The following SPATS1 variants were observed in gnomAD, a reference collection of about 807,000 sequenced individuals.
SPATS1 encodes the protein spermatogenesis-associated serine-rich protein 1.
A neutral mutation model predicts 33.6 loss-of-function variants in SPATS1; 23 were observed. That is an observed-to-expected ratio of 0.68 (90% CI 0.49 to 0.97). The LOEUF is 0.97. SPATS1 is among the 50% of genes least tolerant of loss of function. The pLI, the probability that SPATS1 is intolerant of heterozygous loss-of-function variation, is 0.00. For missense variants in SPATS1, 327 were observed against 361.0 expected (o/e 0.91, Z 0.76); for synonymous variants, 131 against 125.6 (o/e 1.04, Z -0.29).
At chr6:44,352,670 T>C in intron 2 of SPATS1, 56 bp from the exon 3 acceptor site, 1 of 1,516,952 alleles carries the variant, frequency 6.6e-7, no homozygotes, top group South Asian at 1.1e-5. Flanking sequence ...GGAAACAAAA[T>C]AGGGTGGAAT....
intron 3 of SPATS1, among the ~76,000 whole-genome samples, chr6:44,356,905 C>T (rs866668239): frequency 2.6e-5 from 4 of 152,196 alleles, no homozygotes; most frequent in South Asian, 4.1e-4. Context: ...AGTCAGGGAT[C>T]ACTGGCAGCC....
intron 5 of SPATS1, among the ~76,000 whole-genome samples, chr6:44,365,533 G>A (rs1789192230): frequency 2.0e-5 from 3 of 152,192 alleles, no homozygotes. Context: ...GCTTTTATCT[G>A]TGACCTTTCC....
At chr6:44,345,018 G>T (rs572788927) in intron 2 of SPATS1, among the ~76,000 whole-genome samples, 1 of 152,276 alleles carries the variant, frequency 6.6e-6, no homozygotes, top group Admixed American at 6.5e-5. Context: ...GGCAGCCACT[G>T]GGAGCTGGGC....
intron 8 of SPATS1, among the ~76,000 whole-genome samples, chr6:44,376,740 C>T (rs575909706): frequency 4.6e-5 from 7 of 152,294 alleles, no homozygotes; most frequent in Admixed American, 3.9e-4. Flanking sequence ...GTGGAGGTTG[C>T]AGTGAGCTGA....
chr6:44,347,794 G>A (rs1787988998), intron 2 of SPATS1, among the ~76,000 whole-genome samples: 1 of 151,842 alleles, frequency 6.6e-6, no homozygotes, highest in East Asian at 1.9e-4. Flanking sequence ...TTCTATTTAT[G>A]TTTACTATTT....
At chr6:44,371,472 C>T (rs2153369926) in intron 7 of SPATS1, among the ~76,000 whole-genome samples, 1 of 152,274 alleles carries the variant, frequency 6.6e-6, no homozygotes, top group Middle Eastern at 3.4e-3. Flanking sequence ...CTGGATTTAG[C>T]ATTTATTGTT....
chr6:44,370,351 T>C (rs1322561240), intron 7 of SPATS1, among the ~76,000 whole-genome samples: 1 of 152,130 alleles, frequency 6.6e-6, no homozygotes, highest in Non-Finnish European at 1.5e-5. Context: ...CCATGTGTTG[T>C]GCTAGCCATG....
chr6:44,343,265 T>C lies in SPATS1; in HGVS notation c.139+31T>C, dbSNP rs776680682. 3 of 1,607,062 alleles carry C rather than the reference T, an allele frequency of 1.9e-6. No homozygotes were observed. In the Admixed American group the frequency reaches 5.0e-5, roughly 27 times the overall value. On this transcript the variant is annotated intron_variant, in intron 2 of 8. Coordinates refer to ENST00000674044, the MANE Select transcript of SPATS1 (RefSeq NM_001372081.1). ...GTTCTAAGAAATCCAGGCTGTGGAG[T>C]TGGTGGCCACATCCAAGTATACTAC...
intron 2 of SPATS1, among the ~76,000 whole-genome samples, chr6:44,345,935 CTGGGTGTTTGCAAACGG>C (rs1261276617): frequency 1.3e-5 from 2 of 152,160 alleles, no homozygotes; most frequent in African/African-American, 4.8e-5. Context: ...TGCCAAACAC[CTGGGTGTTTGCAAACGG>C]ATAACAAATA....
chr6:44,363,684 TTCCCTCCTTCCTTCCTTCCC>T (rs1789073581), intron 5 of SPATS1, among the ~76,000 whole-genome samples: 2 of 145,548 alleles, frequency 1.4e-5, no homozygotes, highest in Non-Finnish European at 3.1e-5. Context: ...CCTTCCCTCC[TTCCCTCCTTCCTTCCTTCCC>T]TCCTTCCTTC....
chr6:44,348,137 T>C (rs1788014675), intron 2 of SPATS1, among the ~76,000 whole-genome samples: 1 of 151,848 alleles, frequency 6.6e-6, no homozygotes. Context: ...GCCTCCTGAG[T>C]AACGGGGATT....
intron 5 of SPATS1, among the ~76,000 whole-genome samples, chr6:44,362,971 T>C (rs751391684): frequency 4.6e-5 from 7 of 151,942 alleles, no homozygotes; most frequent in Non-Finnish European, 1.0e-4. Flanking sequence ...CCGGAGTAGA[T>C]GGGATTATAG....
intron 2 of SPATS1, among the ~76,000 whole-genome samples, chr6:44,350,658 G>T (rs1179434722): frequency 6.6e-5 from 10 of 152,196 alleles, no homozygotes; most frequent in Admixed American, 5.9e-4. Flanking sequence ...GATAAGAATG[G>T]AAAAGGTATT....
At chr6:44,355,215 T>C (rs752971146) in intron 3 of SPATS1, among the ~76,000 whole-genome samples, 12 of 136,306 alleles carry the variant, frequency 8.8e-5, no homozygotes, top group Non-Finnish European at 1.7e-4. Flanking sequence ...ACTGTCTCCA[T>C]AGTTTTTTCC....
Position 44,377,325 on chromosome 6 carries a change from T to C in SPATS1, c.*262T>C. 7.4e-6 allele frequency: 4 copies of C among 540,866 alleles called. No homozygotes were observed. Among genetic ancestry groups the C allele is most frequent in the Non-Finnish European group, 1.3e-5 (4 of 302,370 alleles). The allele number at this position is 540,866 out of a possible 1,614,324, so 33.5% of individuals were successfully genotyped here. ...TTCAAACTTTCTCTCTCTCACAATA[T>C]TACAGTTACCATTTTGCTGAACTCT... On this transcript the variant is annotated 3_prime_UTR_variant, in exon 9 of 9. Transcript: ENST00000674044.
chr6:44,361,418 G>C, intron 4 of SPATS1: 1 of 985,156 alleles, frequency 1.0e-6, no homozygotes, highest in Non-Finnish European at 1.2e-6. Flanking sequence ...CTCCACTTGA[G>C]GTGCCATGTG....
chr6:44,356,424 C>A (rs1362117990), intron 3 of SPATS1, among the ~76,000 whole-genome samples: 1 of 152,192 alleles, frequency 6.6e-6, no homozygotes, highest in Non-Finnish European at 1.5e-5. Flanking sequence ...CTTAAAACAA[C>A]AAACATTTAT....
intron 8 of SPATS1, 27 bp downstream of exon 8, chr6:44,376,500 G>C: frequency 6.5e-7 from 1 of 1,533,064 alleles, no homozygotes; most frequent in East Asian, 2.3e-5. Flanking sequence ...TCAAAGAATA[G>C]TGTAAAAACT....
At chr6:44,361,682 C>A in intron 4 of SPATS1, 149 bp from the exon 5 acceptor site, 1 of 1,202,110 alleles carries the variant, frequency 8.3e-7, no homozygotes, top group Non-Finnish European at 1.2e-6. Context: ...GAGTTTCACA[C>A]TGTCTCTGAT....
Sources: allele counts gnomAD v4.1 joint callset (sites outside exome capture counted in the v4.1 genomes callset), GRCh38; gene constraint gnomAD v4.1.1; transcripts MANE v1.5; gene names NCBI Gene and HGNC (gene_info 2026-07-23, HGNC 2026-07-21).